PRDM9: variants seen among roughly 807,000 people sequenced by gnomAD.
PRDM9 encodes the protein PR/SET domain 9.
A neutral mutation model predicts 55.6 loss-of-function variants in PRDM9; 47 were observed. The observed-to-expected ratio is 0.85, with a 90% confidence interval of 0.67 to 1.08. PRDM9 has a LOEUF of 1.08. Ranked by LOEUF, PRDM9 falls within the 50% of genes least tolerant of loss-of-function variation. The pLI is 0.00. For synonymous variants in PRDM9, 312 were observed against 375.7 expected (o/e 0.83, Z 1.96); for missense variants, 867 against 1,040.3 (o/e 0.83, Z 2.29).
chr5:23,527,925 A>C lies in PRDM9; in HGVS notation c.*152A>C. 12 of 1,027,740 alleles carry C rather than the reference A, an allele frequency of 1.2e-5. No individual in the cohort carries two copies. Among genetic ancestry groups the C allele is most frequent in the Non-Finnish European group, 1.7e-5 (12 of 688,514 alleles). The allele number at this position is 1,027,740 out of a possible 1,614,324, so 63.7% of individuals were successfully genotyped here. On this transcript the variant is annotated 3_prime_UTR_variant, in exon 11 of 11. Coordinates refer to ENST00000296682, the MANE Select transcript of PRDM9 (RefSeq NM_020227.4). Reference sequence around the variant, plus strand: ...ATAAAGAGATCGGAAATAACTGATTAAACAAATCCGCCACTTTCATGACTA... The same window carrying C: ...ATAAAGAGATCGGAAATAACTGATTCAACAAATCCGCCACTTTCATGACTA...
intron 4 of PRDM9, 31 bp downstream of exon 4, chr5:23,510,058 T>C: frequency 3.8e-6 from 6 of 1,578,606 alleles, no homozygotes; most frequent in Non-Finnish European, 2.6e-6. Context: ...GATTTTTTTT[T>C]TTTTTTTTTT....
intron 9 of PRDM9, 48 bp downstream of exon 9, chr5:23,523,406 C>A (rs1276211959): frequency 6.4e-7 from 1 of 1,551,322 alleles, no homozygotes. Context: ...TCATCTCTCA[C>A]AAAGCTGGAT....
At chr5:23,518,844 G>A (rs554081308) in intron 5 of PRDM9, among the ~76,000 whole-genome samples, 92 of 152,326 alleles carry the variant, frequency 6.0e-4, no homozygotes, top group African/African-American at 2.1e-3. Flanking sequence ...CTCTTCAGGA[G>A]TCTGGTCCAT....
chr5:23,522,484 A>C (rs1739347385), intron 7 of PRDM9, 79 bp downstream of exon 7: 2 of 1,585,160 alleles, frequency 1.3e-6, no homozygotes, highest in African/African-American at 1.3e-5. Context: ...CCCACAAATC[A>C]TTCCCTTACT....
intron 5 of PRDM9, among the ~76,000 whole-genome samples, chr5:23,518,324 CCTT>C (rs1160151944): frequency 1.3e-5 from 2 of 152,196 alleles, no homozygotes; most frequent in Non-Finnish European, 2.9e-5. Context: ...ATCCAAAACT[CCTT>C]CTCTAAAGCA....
Position 23,508,730 on chromosome 5 carries a change from A to G in PRDM9, c.-84-220A>G, listed in dbSNP as rs542649737. Among the ~76,000 whole-genome samples, 3 of 152,194 alleles carry G rather than the reference A, an allele frequency of 2.0e-5. No individual in the cohort carries two copies. In the East Asian group the frequency reaches 5.8e-4, roughly 30 times the overall value. On this transcript the variant is annotated intron_variant, in intron 1 of 10. Coordinates refer to ENST00000296682, the MANE Select transcript of PRDM9 (RefSeq NM_020227.4). ...CTCCAAATGAGCCTAGCTGCAGGGG[A>G]ACTAAAAGAACAAAATCCAGCTTAC...
chr5:23,524,433 C>T lies in PRDM9; in HGVS notation c.1050C>T (p.Gly350=). 6.2e-7 allele frequency: 1 copy of T among 1,613,994 alleles called. No homozygotes were observed. Among genetic ancestry groups the T allele is most frequent in the South Asian group, 1.1e-5 (1 of 91,070 alleles). Residue 350 remains glycine, a synonymous_variant, in exon 10 of 11, where the codon GGC becomes GGT. Transcript: ENST00000296682. ...GAACCTGCCGAGTCATTAGGCCAGG[C>T]TGTGAACTGCTGGTCTGGTATGGGG... ...FYRTCRVIRP[G]CELLVWYGDE...
chr5:23,522,934 T>C, intron 8 of PRDM9, 49 bp downstream of exon 8: 1 of 1,614,024 alleles, frequency 6.2e-7, no homozygotes, highest in Non-Finnish European at 8.5e-7. Context: ...ACATCCCTTC[T>C]GTGCCTTTGG....
chr5:23,517,793 A>AAAAAAT (rs1464247307), intron 4 of PRDM9, 88 bp from the exon 5 acceptor site: 1 of 1,339,324 alleles, frequency 7.5e-7, no homozygotes, highest in Non-Finnish European at 1.1e-6. Context: ...TCTCAAAAAT[A>AAAAAAT]AAAAATAAAA....
In PRDM9 at chr5:23,521,035, G is replaced by A. The variant is rs764939554; in HGVS notation, c.364G>A (p.Ala122Thr). Residue 122 changes from alanine (A) to threonine (T), a missense_variant, in exon 6 of 11, where the codon GCG becomes ACG. Transcript: ENST00000296682. Reference protein sequence around the residue: ...QRKHQKGMPKASFSNESSLKE... With the variant: ...QRKHQKGMPKTSFSNESSLKE... Reference sequence around the variant, plus strand: ...TCTCACATTAAAGGGAATGCCCAAGGCGTCATTCAGTAATGAATCTAGTTT... The same window carrying A: ...TCTCACATTAAAGGGAATGCCCAAGACGTCATTCAGTAATGAATCTAGTTT... 3.7e-6 allele frequency: 6 copies of A among 1,613,980 alleles called. No individual in the cohort carries two copies. The highest frequency in any genetic ancestry group is 1.6e-4 in the Middle Eastern group (1 of 6,084).
chr5:23,517,673 A>C (rs1475901627), intron 4 of PRDM9, among the ~76,000 whole-genome samples: 1 of 152,066 alleles, frequency 6.6e-6, no homozygotes, highest in Non-Finnish European at 1.5e-5. Context: ...GTAGTTCCCA[A>C]CAACTCACAA....
chr5:23,522,512 A>T, intron 7 of PRDM9, 102 bp from the exon 8 acceptor site: 1 of 1,588,478 alleles, frequency 6.3e-7, no homozygotes, highest in Non-Finnish European at 8.6e-7. Context: ...ATTAGAGTAC[A>T]GGATTAGGGC....
chr5:23,509,237 A>G (rs1192557634), intron 2 of PRDM9, 135 bp downstream of exon 2: 5 of 1,352,986 alleles, frequency 3.7e-6, no homozygotes, highest in Non-Finnish European at 5.2e-6. Flanking sequence ...TGGCCAGGAC[A>G]TGGGGGAGAA....
rs776657408 is a variant in PRDM9 at position 23,526,428 on chromosome 5, G to A, written c.1340G>A (p.Arg447His). 36 of 1,614,058 alleles carry A rather than the reference G, an allele frequency of 2.2e-5. No homozygotes were observed. The Admixed American group carries it at 2.8e-4, about 13-fold the overall frequency. ...QEQQYPDPHS[R>H]NDKTKGQEIK... is the part of the protein sequence containing the mutation. ...CAGCAATATCCAGATCCACACAGCC[G>A]TAATGACAAAACCAAAGGTCAAGAG... The change falls in exon 11 of 11, where the codon CGT (arginine) becomes CAT (histidine). Residue 447 changes from arginine to histidine, a missense_variant. Arg to His is a conservative substitution (Grantham distance 29). Coordinates refer to ENST00000296682, the MANE Select transcript of PRDM9 (RefSeq NM_020227.4).
At chr5:23,512,120 A>T (rs1739111237) in intron 4 of PRDM9, among the ~76,000 whole-genome samples, 1 of 152,176 alleles carries the variant, frequency 6.6e-6, no homozygotes, top group Non-Finnish European at 1.5e-5. Context: ...AAGAAGAAAT[A>T]ATATTAAGTA....
chr5:23,517,456 A>C (rs1317828986), intron 4 of PRDM9, among the ~76,000 whole-genome samples: 1 of 151,966 alleles, frequency 6.6e-6, no homozygotes, highest in East Asian at 1.9e-4. Flanking sequence ...TGGAATCATC[A>C]CTCTCTGATT....
intron 8 of PRDM9, 26 bp from the exon 9 acceptor site, chr5:23,523,265 C>T (rs768687717): frequency 6.2e-7 from 1 of 1,605,216 alleles, no homozygotes; most frequent in Non-Finnish European, 8.5e-7. Context: ...TCTAAAAAGC[C>T]TTTGCCTTGT....
intron 1 of PRDM9, 34 bp from the exon 2 acceptor site, chr5:23,508,916 T>TA: frequency 2.5e-6 from 3 of 1,212,368 alleles, no homozygotes; most frequent in Middle Eastern, 4.7e-4. Flanking sequence ...TGCTCAGGGC[T>TA]GTTGCCCCCT....
intron 4 of PRDM9, among the ~76,000 whole-genome samples, chr5:23,511,653 A>C (rs572801991): frequency 1.5e-4 from 23 of 152,252 alleles, no homozygotes; most frequent in Non-Finnish European, 2.9e-4. Context: ...GCCTCATATA[A>C]AGTTTTAAAA....
Sources: allele counts gnomAD v4.1 joint callset (sites outside exome capture counted in the v4.1 genomes callset), GRCh38; gene constraint gnomAD v4.1.1; transcripts MANE v1.5; gene names NCBI Gene and HGNC (gene_info 2026-07-23, HGNC 2026-07-21).